Variants in TOM1L2 observed in about 807,000 individuals in gnomAD.
TOM1L2 encodes the protein target of myb1 like 2 membrane trafficking protein.
In TOM1L2, 31 loss-of-function variants were observed where a neutral mutation model predicts 67.9. That is an observed-to-expected ratio of 0.46 (90% CI 0.34 to 0.62). The LOEUF is 0.62. Ranked by LOEUF, TOM1L2 falls within the 20% of genes least tolerant of loss-of-function variation. TOM1L2 has a pLI of 0.01. For synonymous variants in TOM1L2, 256 were observed against 254.0 expected (o/e 1.01, Z -0.07); for missense variants, 606 against 663.5 (o/e 0.91, Z 0.95).
Position 17,862,756 on chromosome 17 carries a change from T to A in TOM1L2, c.1177A>T (p.Asn393Tyr). The change falls in exon 11 of 15, where the codon AAC becomes TAC. Residue 393 changes from asparagine (N) to tyrosine (Y), a missense_variant. This residue lies in a region of TOM1L2 where 543 missense variants were observed against 554.0 expected (regional missense o/e 0.98). Coordinates refer to ENST00000379504, the MANE Select transcript of TOM1L2 (RefSeq NM_001082968.2). ...GFDMFAQTRG[N>Y]SLAEQRKTVT... ...GTCTTGCGCTGCTCAGCCAAGGAGTTTCCTCTCGTCTGGGCAAACATGTCA... is the reference window on the plus strand; with the variant it reads ...GTCTTGCGCTGCTCAGCCAAGGAGTATCCTCTCGTCTGGGCAAACATGTCA... 6.2e-7 allele frequency: 1 copy of A among 1,613,754 alleles called. No homozygotes were observed. The highest frequency in any genetic ancestry group is 8.5e-7 in the Non-Finnish European group (1 of 1,180,012).
chr17:17,949,259 G>A (rs79315516), intron 1 of TOM1L2, among the ~76,000 whole-genome samples: 139 of 152,244 alleles, frequency 9.1e-4, no homozygotes, highest in African/African-American at 3.1e-3. Flanking sequence ...TGTGGAACTC[G>A]TGCCAGGAAA....
chr17:17,924,658 A>G (rs994258694), intron 1 of TOM1L2, among the ~76,000 whole-genome samples: 9 of 152,232 alleles, frequency 5.9e-5, no homozygotes, highest in Admixed American at 5.2e-4. Context: ...CCAGCTACTC[A>G]AGAGGCTGAG....
At chr17:17,942,707 G>C (rs1238062632) in intron 1 of TOM1L2, among the ~76,000 whole-genome samples, 1 of 152,180 alleles carries the variant, frequency 6.6e-6, no homozygotes, top group Non-Finnish European at 1.5e-5. Flanking sequence ...ACTTGGGTTT[G>C]TCTGCTCCAA....
intron 1 of TOM1L2, among the ~76,000 whole-genome samples, chr17:17,912,954 C>G (rs1341057967): frequency 6.6e-6 from 1 of 152,254 alleles, no homozygotes; most frequent in African/African-American, 2.4e-5. Context: ...GAGGCCGAGG[C>G]TGGCGGATCG....
At chr17:17,927,626 A>T (rs1208230275) in intron 1 of TOM1L2, among the ~76,000 whole-genome samples, 2 of 152,042 alleles carry the variant, frequency 1.3e-5, no homozygotes, top group African/African-American at 4.8e-5. Context: ...GATTATGATT[A>T]ATTTATTTTA....
intron 3 of TOM1L2, 66 bp downstream of exon 3, chr17:17,898,530 G>A (rs903909472): frequency 6.5e-7 from 1 of 1,545,738 alleles, no homozygotes; most frequent in Non-Finnish European, 8.9e-7. Context: ...GGCCCTGTGA[G>A]GGGGGCAAGG....
chr17:17,933,861 A>G (rs1234106194), intron 1 of TOM1L2, among the ~76,000 whole-genome samples: 1 of 152,156 alleles, frequency 6.6e-6, no homozygotes, highest in Non-Finnish European at 1.5e-5. Flanking sequence ...CCATCCTTCA[A>G]AAGATGATGA....
chr17:17,880,694 C>T (rs1201773958), intron 6 of TOM1L2, among the ~76,000 whole-genome samples: 1 of 152,198 alleles, frequency 6.6e-6, no homozygotes, highest in African/African-American at 2.4e-5. Context: ...AGAGCCGGAC[C>T]TGAGCCTCTC....
intron 4 of TOM1L2, among the ~76,000 whole-genome samples, chr17:17,891,733 G>A (rs1467364465): frequency 6.6e-6 from 1 of 152,010 alleles, no homozygotes; most frequent in African/African-American, 2.4e-5. Flanking sequence ...AGCCCCAGAA[G>A]GAAGGGCTGT....
At chr17:17,857,262 T>C (rs1470547990) in intron 12 of TOM1L2, among the ~76,000 whole-genome samples, 1 of 152,174 alleles carries the variant, frequency 6.6e-6, no homozygotes, top group Admixed American at 6.5e-5. Flanking sequence ...CTGTGTATTC[T>C]TCAAGAGGTT....
chr17:17,906,285 C>T lies in TOM1L2; in HGVS notation c.137+1162G>A, dbSNP rs368745364. 1.3e-4 allele frequency among the ~76,000 whole-genome samples: 20 copies of T among 152,018 alleles called. No homozygotes were observed. The East Asian group carries it at 1.9e-3, about 15-fold the overall frequency. On this transcript the variant is annotated intron_variant, in intron 2 of 14. Transcript: ENST00000379504. ...TTGGGACTACAGGTGTGCACCACCACGCCTGGCTAACTTTTGTATTTTTTG... is the reference window on the plus strand; with the variant it reads ...TTGGGACTACAGGTGTGCACCACCATGCCTGGCTAACTTTTGTATTTTTTG...
intron 1 of TOM1L2, among the ~76,000 whole-genome samples, chr17:17,951,923 T>C (rs1469865278): frequency 6.6e-6 from 1 of 152,174 alleles, no homozygotes; most frequent in East Asian, 1.9e-4. Flanking sequence ...TCGGGCTCTG[T>C]TGGTGAGGGG....
chr17:17,926,262 T>C (rs63721860), intron 1 of TOM1L2, among the ~76,000 whole-genome samples: 67,408 of 145,166 alleles, frequency 0.46, 15,827 homozygotes, highest in East Asian at 0.86. Context: ...CATACAGACT[T>C]AAGGATAAAA....
intron 10 of TOM1L2, among the ~76,000 whole-genome samples, chr17:17,863,071 G>A (rs558319633): frequency 1.3e-5 from 2 of 152,296 alleles, no homozygotes; most frequent in East Asian, 1.9e-4. Context: ...TCAAGGAGGC[G>A]AAAGAGTCAT....
chr17:17,875,998 G>A (rs1055666481), intron 7 of TOM1L2, among the ~76,000 whole-genome samples: 3 of 152,226 alleles, frequency 2.0e-5, no homozygotes, highest in African/African-American at 7.2e-5. Flanking sequence ...GGAGAAACGA[G>A]GAGGCCTCTG....
intron 14 of TOM1L2, among the ~76,000 whole-genome samples, chr17:17,848,444 G>A (rs995336947): frequency 6.6e-6 from 1 of 152,210 alleles, no homozygotes; most frequent in Non-Finnish European, 1.5e-5. Context: ...CATCAGCTGA[G>A]GCCCAGGAGA....
At chr17:17,960,557 C>T (rs1009370732) in intron 1 of TOM1L2, among the ~76,000 whole-genome samples, 1 of 152,140 alleles carries the variant, frequency 6.6e-6, no homozygotes, top group African/African-American at 2.4e-5. Flanking sequence ...AGACTGGTCT[C>T]GAACTCCTGA....
intron 1 of TOM1L2, among the ~76,000 whole-genome samples, chr17:17,931,336 G>A (rs1214151686): frequency 6.6e-6 from 1 of 152,138 alleles, no homozygotes; most frequent in Non-Finnish European, 1.5e-5. Flanking sequence ...CACCAACAAG[G>A]CAAAGTCATG....
chr17:17,955,170 T>C (rs930731797), intron 1 of TOM1L2, among the ~76,000 whole-genome samples: 1 of 152,098 alleles, frequency 6.6e-6, no homozygotes. Flanking sequence ...CCAACAATTA[T>C]AGAAACAAAC....
Sources: allele counts gnomAD v4.1 joint callset (sites outside exome capture counted in the v4.1 genomes callset), GRCh38; gene constraint gnomAD v4.1.1; regional missense constraint gnomAD v4.1.1; transcripts MANE v1.5; gene names NCBI Gene and HGNC (gene_info 2026-07-23, HGNC 2026-07-21).